Variants in CCT6B observed in about 807,000 individuals in gnomAD.
CCT6B encodes the protein chaperonin containing TCP1 subunit 6B.
In CCT6B, 49 loss-of-function variants were observed where a neutral mutation model predicts 61.5. That is an observed-to-expected ratio of 0.80 (90% CI 0.63 to 1.01). The LOEUF (loss-of-function observed/expected upper bound fraction) is 1.01. Among genes scored for constraint, CCT6B ranks in the 50% least tolerant of loss-of-function variants. CCT6B has a pLI of 0.00. For synonymous variants in CCT6B, 228 were observed against 214.5 expected (o/e 1.06, Z -0.55); for missense variants, 666 against 634.7 (o/e 1.05, Z -0.53).
At chr17:34,931,659 C>T (rs2090038074) in intron 11 of CCT6B, among the ~76,000 whole-genome samples, 1 of 152,068 alleles carries the variant, frequency 6.6e-6, no homozygotes, top group African/African-American at 2.4e-5. Flanking sequence ...GACTTTGCTG[C>T]TCTGGGGAAA....
chr17:34,928,605 C>A (rs73283026), intron 13 of CCT6B, among the ~76,000 whole-genome samples: 143 of 152,242 alleles, frequency 9.4e-4, no homozygotes, highest in African/African-American at 3.2e-3. Context: ...ATTTAAACTC[C>A]TTTGCTGATA....
rs369079356 is a variant in CCT6B, at chr17:34,941,893, C to T, written c.885+591G>A. ...CTCTACGAAAAAACTTAAAAATTAG[C>T]CAGGCATGGTGATGCACACCTGTAG... On this transcript the variant is annotated intron_variant, in intron 7 of 13. Coordinates refer to ENST00000314144, the MANE Select transcript of CCT6B (RefSeq NM_006584.4). Among the ~76,000 whole-genome samples, 204 of 152,164 alleles carry T rather than the reference C, an allele frequency of 1.3e-3. 1 individual carries two copies. The highest frequency in any genetic ancestry group is 4.7e-3 in the African/African-American group (196 of 41,484).
At chr17:34,952,116 A>C (rs926635788) in intron 4 of CCT6B, 63 bp from the exon 5 acceptor site, 4 of 1,013,442 alleles carry the variant, frequency 3.9e-6, no homozygotes, top group Non-Finnish European at 6.1e-6. Flanking sequence ...CCAAGGGCCC[A>C]AACAATCTAT....
At chr17:34,934,134 GAA>G in intron 10 of CCT6B, among the ~76,000 whole-genome samples, 1 of 75,846 alleles carries the variant, frequency 1.3e-5, no homozygotes, top group South Asian at 4.6e-4. Context: ...GTTTCAAAAA[GAA>G]AAAAAAAAAA....
intron 5 of CCT6B, among the ~76,000 whole-genome samples, chr17:34,950,545 C>G (rs780852496): frequency 6.6e-6 from 1 of 152,084 alleles, no homozygotes; most frequent in Non-Finnish European, 1.5e-5. Context: ...CAGAGTTAAA[C>G]AAAATGGACA....
chr17:34,957,191 C>A, intron 3 of CCT6B, among the ~76,000 whole-genome samples: 1 of 137,274 alleles, frequency 7.3e-6, no homozygotes. Context: ...GTTGCCCAGG[C>A]TAGAGTATGA....
At chr17:34,952,599 A>G (rs1487884484) in intron 4 of CCT6B, among the ~76,000 whole-genome samples, 1 of 152,184 alleles carries the variant, frequency 6.6e-6, no homozygotes, top group Non-Finnish European at 1.5e-5. Flanking sequence ...TTTCCCCCAA[A>G]ATTGTAAAGT....
At chr17:34,947,485 G>A (rs1395973771) in intron 5 of CCT6B, among the ~76,000 whole-genome samples, 1 of 152,140 alleles carries the variant, frequency 6.6e-6, no homozygotes, top group Non-Finnish European at 1.5e-5. Flanking sequence ...GAAAGCAACA[G>A]AACAATATCT....
intron 11 of CCT6B, 105 bp downstream of exon 11, chr17:34,932,262 C>T (rs2142135231): frequency 9.6e-7 from 1 of 1,036,992 alleles, no homozygotes; most frequent in Non-Finnish European, 1.4e-6. Context: ...AGGAAATGCA[C>T]ATAAATACCT....
At chr17:34,961,157 G>A (rs934242697) in intron 1 of CCT6B, 100 bp downstream of exon 1, 1 of 1,401,072 alleles carries the variant, frequency 7.1e-7, no homozygotes, top group Middle Eastern at 2.6e-4. Flanking sequence ...AATCAAGCTC[G>A]CAAGAACATC....
intron 10 of CCT6B, among the ~76,000 whole-genome samples, chr17:34,935,936 T>TGC (rs1424548557): frequency 6.6e-6 from 1 of 151,860 alleles, no homozygotes; most frequent in Non-Finnish European, 1.5e-5. Context: ...TGTGTGTGTG[T>TGC]GTGTGTGTGT....
At chr17:34,935,616 G>A (rs1186311611) in intron 10 of CCT6B, among the ~76,000 whole-genome samples, 1 of 152,070 alleles carries the variant, frequency 6.6e-6, no homozygotes, top group Non-Finnish European at 1.5e-5. Flanking sequence ...AGACCTTTGG[G>A]AGGCCAAGGC....
chr17:34,931,924 T>C (rs1326994380), intron 11 of CCT6B, among the ~76,000 whole-genome samples: 1 of 152,182 alleles, frequency 6.6e-6, no homozygotes, highest in Non-Finnish European at 1.5e-5. Context: ...ATAATGATGA[T>C]GACAAATGTA....
chr17:34,934,657 G>T (rs2090074804), intron 10 of CCT6B, among the ~76,000 whole-genome samples: 1 of 152,086 alleles, frequency 6.6e-6, no homozygotes, highest in Non-Finnish European at 1.5e-5. Context: ...AAAATTGAAT[G>T]TGTCATTAAA....
chr17:34,937,896 T>A (rs2090112638), intron 10 of CCT6B, among the ~76,000 whole-genome samples: 2 of 151,906 alleles, frequency 1.3e-5, no homozygotes, highest in Non-Finnish European at 2.9e-5. Context: ...CTTCTCTTTT[T>A]TTTTTTTCTG....
At chr17:34,928,859 A>G in intron 13 of CCT6B, 103 bp downstream of exon 13, 1 of 628,076 alleles carries the variant, frequency 1.6e-6, no homozygotes, top group Non-Finnish European at 2.8e-6. Flanking sequence ...TACACTTGAC[A>G]ATTTTTCCAC....
chr17:34,937,415 A>G (rs1269477231), intron 10 of CCT6B, among the ~76,000 whole-genome samples: 3 of 152,226 alleles, frequency 2.0e-5, no homozygotes, highest in African/African-American at 7.2e-5. Context: ...AAATAGAACC[A>G]CACAAATATG....
In CCT6B at chr17:34,927,900, T is replaced by C. The variant is rs2089985730; in HGVS notation, c.*148A>G. On this transcript the variant is annotated 3_prime_UTR_variant, in exon 14 of 14. Transcript: ENST00000314144. ...ATTTATTGTGTTCTTTATACCTTGA[T>C]GAAATATTTTTGAGACTATTAAGAC... is the stretch of plus-strand genomic sequence containing the variant. 2 of 520,544 alleles carry C rather than the reference T, an allele frequency of 3.8e-6. No individual in the cohort carries two copies. Among genetic ancestry groups the C allele is most frequent in the Non-Finnish European group, 3.5e-6 (1 of 289,848 alleles). The allele number at this position is 520,544 out of a possible 1,614,324, so 32.2% of individuals were successfully genotyped here. A position where few individuals can be genotyped will look rare whatever the true frequency, so the allele number is the denominator to read the frequency against.
chr17:34,950,334 C>CA (rs2090276115), intron 5 of CCT6B, among the ~76,000 whole-genome samples: 1 of 151,780 alleles, frequency 6.6e-6, no homozygotes, highest in Admixed American at 6.6e-5. Flanking sequence ...CACAAAATTC[C>CA]AAAAAAGTAA....
Sources: allele counts gnomAD v4.1 joint callset (sites outside exome capture counted in the v4.1 genomes callset), GRCh38; gene constraint gnomAD v4.1.1; transcripts MANE v1.5; gene names NCBI Gene and HGNC (gene_info 2026-07-23, HGNC 2026-07-21).